EIF2AK4: variants seen among roughly 807,000 people sequenced by gnomAD.
EIF2AK4 encodes the protein eukaryotic translation initiation factor 2 alpha kinase 4.
In EIF2AK4, 139 loss-of-function variants were observed where a neutral mutation model predicts 211.1. The ratio of observed to expected loss-of-function variants is 0.66; its 90% CI spans 0.57 to 0.76. EIF2AK4 has a LOEUF of 0.76. EIF2AK4 is among the 30% of genes least tolerant of loss of function. The pLI is 0.00. For synonymous variants in EIF2AK4, 710 were observed against 751.3 expected, an observed-to-expected ratio of 0.94 and a Z score of 0.90; for missense variants, 1,664 against 2,043.8, an observed-to-expected ratio of 0.81 and a Z score of 3.58.
At chr15:39,956,413 A>G (rs2034393087) in intron 6 of EIF2AK4, among the ~76,000 whole-genome samples, 3 of 152,172 alleles carry the variant, frequency 2.0e-5, no homozygotes, top group Non-Finnish European at 4.4e-5. Context: ...TTCCATTTGA[A>G]TCATCATCAT....
In EIF2AK4 at chr15:40,011,309, A is replaced by G; in HGVS notation, c.3722A>G (p.Glu1241Gly). The G allele has an allele frequency of 6.2e-7, 1 of 1,613,800 alleles. No individual in the cohort carries two copies. The highest frequency in any genetic ancestry group is 8.5e-7 in the Non-Finnish European group (1 of 1,179,838). ...VTEKLTRREV[E>G]AKFCNLSLSS... is the part of the protein sequence containing the mutation. ...GAGAAGCTGACGAGGAGAGAAGTGGAAGCTAAATTTTGTAATCTGTCTTTG... is the reference window on the plus strand; with the variant it reads ...GAGAAGCTGACGAGGAGAGAAGTGGGAGCTAAATTTTGTAATCTGTCTTTG... Residue 1241 changes from glutamate to glycine, a missense_variant, in exon 27 of 39, where the codon GAA (glutamate) becomes GGA (glycine). Glu to Gly is a moderately conservative substitution (Grantham distance 98, BLOSUM62 -2). Transcript: ENST00000263791.
chr15:39,944,492 C>T (rs1472830630), intron 3 of EIF2AK4, among the ~76,000 whole-genome samples: 8 of 140,416 alleles, frequency 5.7e-5, no homozygotes, highest in East Asian at 2.4e-4. Context: ...AGTGCAATGG[C>T]GCAATCTCGG....
chr15:39,973,336 A>T (rs550366700), intron 10 of EIF2AK4, among the ~76,000 whole-genome samples: 1 of 152,272 alleles, frequency 6.6e-6, no homozygotes, highest in Admixed American at 6.5e-5. Context: ...ATGAGACCTG[A>T]GTTTTGGTTC....
At chr15:40,011,872 A>C (rs2035240087) in intron 27 of EIF2AK4, among the ~76,000 whole-genome samples, 3 of 152,220 alleles carry the variant, frequency 2.0e-5, no homozygotes, top group Admixed American at 2.0e-4. Context: ...AATCTTATGG[A>C]ATAAACAGTT....
In EIF2AK4 at chr15:40,016,630, G is replaced by A. The variant is rs757172997; in HGVS notation, c.3888G>A (p.Glu1296=). The A allele has an allele frequency of 3.1e-6, 5 of 1,614,232 alleles. No homozygotes were observed. Among genetic ancestry groups the A allele is most frequent in the Middle Eastern group, 1.6e-4 (1 of 6,062 alleles). ...QLVKYGLKDL[E]EVVGLLKKLG... is the part of the protein sequence containing the mutation. Reference sequence around the variant, plus strand: ...TGAAGTATGGCTTAAAAGACCTAGAGGAGGTTGTTGGACTGTTGAAGAAAC... The same window carrying A: ...TGAAGTATGGCTTAAAAGACCTAGAAGAGGTTGTTGGACTGTTGAAGAAAC... The change falls in exon 28 of 39, where the codon GAG becomes GAA. Residue 1296 remains glutamate, a synonymous_variant. Transcript: ENST00000263791.
At chr15:40,011,723 T>A (rs1280170770) in intron 27 of EIF2AK4, among the ~76,000 whole-genome samples, 1 of 152,238 alleles carries the variant, frequency 6.6e-6, no homozygotes, top group African/African-American at 2.4e-5. Context: ...AGGCACAGAA[T>A]TCTGCAAATT....
chr15:40,033,387 T>A (rs1277919708), intron 37 of EIF2AK4, among the ~76,000 whole-genome samples: 11 of 152,218 alleles, frequency 7.2e-5, no homozygotes. Flanking sequence ...AGGTCCTTTA[T>A]AAATATATAT....
chr15:40,032,188 C>T lies in EIF2AK4; in HGVS notation c.4679C>T (p.Thr1560Ile), dbSNP rs978916925. The change falls in exon 36 of 39, where the codon ACC becomes ATC. Residue 1560 changes from threonine to isoleucine, a missense_variant. Around this residue, in one of 7 missense-constraint regions of EIF2AK4, gnomAD observed 138 missense variants for 165.1 expected, o/e 0.84. Coordinates refer to ENST00000263791, the MANE Select transcript of EIF2AK4 (RefSeq NM_001013703.4). The part of the protein sequence containing the change: ...YETQVQTRLQ[T>I]SLANLHQKSS... Reference sequence around the variant, plus strand: ...ATTTAGGTACAAACTCGACTTCAGACCTCCCTTGCCAACTTACATCAGAAA... The same window carrying T: ...ATTTAGGTACAAACTCGACTTCAGATCTCCCTTGCCAACTTACATCAGAAA... The T allele has an allele frequency of 1.9e-6, 3 of 1,614,154 alleles. No homozygotes were observed. The highest frequency in any genetic ancestry group is 1.6e-4 in the Middle Eastern group (1 of 6,062).
chr15:39,934,238 C>A lies in EIF2AK4; in HGVS notation c.43C>A (p.Pro15Thr). ...RGAPGRGRDE[P>T]PESYPQRQDH... ...GGCCCCCGGGCGCGGCCGGGACGAGCCTCCGGAGAGCTACCCGCAACGACA... is the reference window on the plus strand; with the variant it reads ...GGCCCCCGGGCGCGGCCGGGACGAGACTCCGGAGAGCTACCCGCAACGACA... Residue 15 changes from proline to threonine, a missense_variant, in exon 1 of 39, where the codon CCT becomes ACT. Around this residue, in one of 7 missense-constraint regions of EIF2AK4, gnomAD observed 641 missense variants for 729.6 expected, o/e 0.88. Transcript: ENST00000263791. 1.2e-6 allele frequency: 2 copies of A among 1,605,546 alleles called. No individual in the cohort carries two copies. Among genetic ancestry groups the A allele is most frequent in the Middle Eastern group, 1.7e-4 (1 of 6,040 alleles).
intron 1 of EIF2AK4, among the ~76,000 whole-genome samples, chr15:39,934,807 G>A (rs536333353): frequency 6.6e-6 from 1 of 152,262 alleles, no homozygotes; most frequent in Admixed American, 6.5e-5. Flanking sequence ...AAATCTGCAC[G>A]CCACATAATT....
At chr15:40,020,768 C>T (rs1291081978) in intron 30 of EIF2AK4, 131 bp from the exon 31 acceptor site, 6 of 682,604 alleles carry the variant, frequency 8.8e-6, no homozygotes, top group South Asian at 8.1e-5. Context: ...GTCTTTGGCA[C>T]GCTGTGTTTC....
At position 40,030,509 on chromosome 15, in the gene EIF2AK4, AAAC is replaced by A. The variant is rs369894596; in HGVS notation, c.4659+61_4659+63del. On this transcript the variant is annotated intron_variant, in intron 35 of 38. Transcript: ENST00000263791. ...TTCTAATATGAGTTACAGAAGAGAAAAACAACAACAGGAAAGGAAAATAAGATA... is the reference window on the plus strand; with the variant it reads ...TTCTAATATGAGTTACAGAAGAGAAAAACAACAGGAAAGGAAAATAAGATA... 2.6e-4 allele frequency: 382 copies of A among 1,483,120 alleles called. 1 individual carries two copies. The African/African-American group carries it at 4.3e-3, about 17-fold the overall frequency. 91.9% of individuals were successfully genotyped at this position (1,483,120 alleles called of 1,614,324 possible).
At position 40,017,260 on chromosome 15, in the gene EIF2AK4, AT is replaced by A; in HGVS notation, c.4065+21del. 1 of 1,589,452 alleles carries A rather than the reference AT, an allele frequency of 6.3e-7. No homozygotes were observed. Among genetic ancestry groups the A allele is most frequent in the African/African-American group, 1.3e-5 (1 of 74,482 alleles). ...ACCTGCTGGTGAGGGCTTGCCCTTT[AT>A]TTATTTGCTCTGACTTAATTTTATT... On this transcript the variant is annotated intron_variant, in intron 29 of 38. Transcript: ENST00000263791.
rs1008134671 is a variant in EIF2AK4 at position 39,949,265 on chromosome 15, G to A, written c.510G>A (p.Gln170=). ...TGGAGGCCAAGCGGAAAGAAGAGCA[G>A]GAGGTGAGATGCCCTTGTCGATGTC... The part of the protein sequence containing the change: ...RLLEAKRKEE[Q]EQREILHEIQ... The change falls in exon 4 of 39, where the codon CAG becomes CAA. Residue 170 remains glutamine, a synonymous_variant. Transcript: ENST00000263791. 1.2e-6 allele frequency: 2 copies of A among 1,613,910 alleles called. No homozygotes were observed. Among genetic ancestry groups the A allele is most frequent in the East Asian group, 2.2e-5 (1 of 44,876 alleles).
At chr15:40,018,329 T>G (rs1032742229) in intron 29 of EIF2AK4, among the ~76,000 whole-genome samples, 3 of 152,208 alleles carry the variant, frequency 2.0e-5, no homozygotes, top group African/African-American at 7.2e-5. Context: ...TAAATCATGA[T>G]GTGTCTTGGC....
intron 35 of EIF2AK4, among the ~76,000 whole-genome samples, chr15:40,031,736 T>C (rs2035546276): frequency 6.6e-6 from 1 of 152,046 alleles, no homozygotes; most frequent in African/African-American, 2.4e-5. Flanking sequence ...ATCTTCTTTT[T>C]TTTTTTTGAG....
chr15:39,940,990 G>A (rs1340826832), intron 2 of EIF2AK4, among the ~76,000 whole-genome samples: 3 of 152,086 alleles, frequency 2.0e-5, no homozygotes. Context: ...CCAGTTTGTT[G>A]TAAAGGATAT....
intron 8 of EIF2AK4, among the ~76,000 whole-genome samples, chr15:39,966,617 G>A (rs142495316): frequency 2.8e-4 from 42 of 152,190 alleles, no homozygotes; most frequent in Admixed American, 5.2e-4. Flanking sequence ...AGAACATTCA[G>A]TATTGCATAT....
chr15:40,030,567 C>G lies in EIF2AK4; in HGVS notation c.4659+111C>G. On this transcript the variant is annotated intron_variant, in intron 35 of 38. Transcript: ENST00000263791. Reference sequence around the variant, plus strand: ...TGGAATTTCTTGGAAATATTTTTTCCAAGAAAAAAATTTTTCTTCCAACTT... The same window carrying G: ...TGGAATTTCTTGGAAATATTTTTTCGAAGAAAAAAATTTTTCTTCCAACTT... 4 of 1,249,006 alleles carry G rather than the reference C, an allele frequency of 3.2e-6. No homozygotes were observed. The South Asian group carries it at 4.5e-5, about 14-fold the overall frequency. 77.4% of individuals were successfully genotyped at this position (1,249,006 alleles called of 1,614,324 possible).
Sources: gnomAD v4.1 joint callset for allele counts (sites outside exome capture counted in the v4.1 genomes callset) on GRCh38, gnomAD v4.1.1 for gene constraint, gnomAD v4.1.1 regional missense constraint, MANE v1.5 for transcripts, NCBI Gene and HGNC (gene_info 2026-07-23, HGNC 2026-07-21) for gene names.